The following C1orf141 variants were observed in gnomAD, a reference collection of about 807,000 sequenced individuals.
C1orf141 encodes the protein chromosome 1 open reading frame 141, also known as uncharacterized protein C1orf141.
In C1orf141, 19 loss-of-function variants were observed where a neutral mutation model predicts 23.2. The ratio of observed to expected loss-of-function variants is 0.82; its 90% CI spans 0.57 to 1.20. The LOEUF (loss-of-function observed/expected upper bound fraction) is 1.20. C1orf141 is among the 50% of genes most tolerant of loss of function. The pLI is 0.00. For missense variants in C1orf141, 469 were observed against 455.1 expected, an observed-to-expected ratio of 1.03 and a Z score of -0.28; for synonymous variants, 153 against 154.6, an observed-to-expected ratio of 0.99 and a Z score of 0.08.
At chr1:67,109,257 G>A (rs562811882) in intron 5 of C1orf141, among the ~76,000 whole-genome samples, 173 of 144,450 alleles carry the variant, frequency 1.2e-3, no homozygotes, top group African/African-American at 4.3e-3. Context: ...AACGCAGGAG[G>A]CAGAGCTTGC....
intron 5 of C1orf141, chr1:67,103,384 T>C (rs1173433257): frequency 1.5e-6 from 2 of 1,362,956 alleles, no homozygotes; most frequent in Non-Finnish European, 1.9e-6. Context: ...ATTTTCCATC[T>C]AAACATCAGG....
intron 4 of C1orf141, chr1:67,122,459 T>A (rs1482405334): frequency 6.6e-6 from 1 of 152,234 alleles, no homozygotes; most frequent in East Asian, 1.9e-4. Flanking sequence ...GACTTAAGGA[T>A]CAAATCTACC....
At chr1:67,118,461 A>G (rs1015849850) in intron 4 of C1orf141, among the ~76,000 whole-genome samples, 1 of 152,198 alleles carries the variant, frequency 6.6e-6, no homozygotes, top group African/African-American at 2.4e-5. Flanking sequence ...CCTCAGTTGC[A>G]CATCTGTTAG....
Position 67,111,793 on chromosome 1 carries a change from C to T in C1orf141, c.346+3559G>A, listed in dbSNP as rs1056723291. 4.4e-5 allele frequency: 18 copies of T among 412,600 alleles called. 1 individual carries two copies. Among genetic ancestry groups the T allele is most frequent in the Middle Eastern group, 4.4e-4 (1 of 2,278 alleles). 25.6% of individuals were successfully genotyped at this position (412,600 alleles called of 1,614,324 possible). On this transcript the variant is annotated intron_variant, in intron 5 of 7. Coordinates refer to ENST00000684719, the MANE Select transcript of C1orf141 (RefSeq NM_001276351.2). ...ATGCATTGCTTGTACATGGTTAGAG[C>T]TAAATCTATTTTAGAATAATTTGCC...
chr1:67,138,434 A>C (rs138525429), upstream of C1orf141, among the ~76,000 whole-genome samples: 514 of 152,272 alleles, frequency 3.4e-3, 5 homozygotes, highest in African/African-American at 0.012. Flanking sequence ...TCTTTGAAAC[A>C]TTCCCTTCCC....
At chr1:67,137,492 G>A (rs978032481), upstream of C1orf141, among the ~76,000 whole-genome samples, 3 of 152,230 alleles carry the variant, frequency 2.0e-5, no homozygotes, top group Non-Finnish European at 2.9e-5. Context: ...AGGCATAATC[G>A]GTTGATTAAC....
At chr1:67,125,974 T>C (rs1441167528) in intron 3 of C1orf141, 65 bp from the exon 4 acceptor site, 1 of 1,411,874 alleles carries the variant, frequency 7.1e-7, no homozygotes, top group African/African-American at 1.5e-5. Flanking sequence ...GGGAAAATCT[T>C]AGGTGGAAAG....
At chr1:67,110,775 A>G (rs1432930611) in intron 5 of C1orf141, among the ~76,000 whole-genome samples, 1 of 151,530 alleles carries the variant, frequency 6.6e-6, no homozygotes, top group African/African-American at 2.4e-5. Context: ...CCTAAATAAA[A>G]CATGAAATTA....
intron 5 of C1orf141, among the ~76,000 whole-genome samples, chr1:67,099,947 A>G (rs1645761587): frequency 1.3e-5 from 2 of 152,136 alleles, no homozygotes; most frequent in African/African-American, 4.8e-5. Flanking sequence ...AGCTTTTTGC[A>G]GTTATTTTAA....
chr1:67,098,776 T>C (rs995131239), intron 5 of C1orf141, among the ~76,000 whole-genome samples: 2 of 152,050 alleles, frequency 1.3e-5, no homozygotes, highest in African/African-American at 4.8e-5. Flanking sequence ...TAAAAAATAC[T>C]CACATTAGAG....
chr1:67,134,831 G>A (rs1245746093), intron 1 of C1orf141, 99 bp downstream of exon 1: 2 of 152,410 alleles, frequency 1.3e-5, no homozygotes, highest in Non-Finnish European at 2.9e-5. Context: ...GGGACAGAAA[G>A]GCCGTTTATG....
Position 67,096,311 on chromosome 1 carries a change from T to G in C1orf141, c.357A>C (p.Glu119Asp), listed in dbSNP as rs1442518391. The change falls in exon 6 of 8, where the codon GAA becomes GAC. Residue 119 changes from glutamate (E) to aspartate (D), a missense_variant. This residue lies in a region of C1orf141 where 370 missense variants were observed against 348.1 expected (regional missense o/e 1.06). Coordinates refer to ENST00000684719, the MANE Select transcript of C1orf141 (RefSeq NM_001276351.2). ...NKESESTAQI[E>D]KKPRKPLDSV... ...AATCCAATGGTTTCCTAGGTTTTTT[T>G]TCAATTTGAGCTGAAATTTTAAAAG... The G allele has an allele frequency of 6.6e-7, 1 of 1,525,842 alleles. No homozygotes were observed. Among genetic ancestry groups the G allele is most frequent in the Non-Finnish European group, 8.9e-7 (1 of 1,120,708 alleles). The allele number at this position is 1,525,842 out of a possible 1,614,324, so 94.5% of individuals were successfully genotyped here.
chr1:67,130,532 C>A (rs577840625), intron 2 of C1orf141, among the ~76,000 whole-genome samples: 1 of 152,300 alleles, frequency 6.6e-6, no homozygotes, highest in African/African-American at 2.4e-5. Context: ...TATACACACA[C>A]ACATACGCAC....
At chr1:67,120,692 A>T (rs1423477441) in intron 4 of C1orf141, among the ~76,000 whole-genome samples, 1 of 152,192 alleles carries the variant, frequency 6.6e-6, no homozygotes, top group Non-Finnish European at 1.5e-5. Context: ...CAAAGCAGGA[A>T]GAGTGTCCTC....
At chr1:67,139,323 A>C (rs937071040), upstream of C1orf141, among the ~76,000 whole-genome samples, 2 of 152,218 alleles carry the variant, frequency 1.3e-5, no homozygotes, top group Non-Finnish European at 2.9e-5. Context: ...ATGATTTACC[A>C]GTCATTTACT....
intron 1 of C1orf141, among the ~76,000 whole-genome samples, chr1:67,132,781 G>A (rs964065540): frequency 1.3e-5 from 2 of 152,190 alleles, no homozygotes; most frequent in Non-Finnish European, 2.9e-5. Flanking sequence ...AAAGTTGAGT[G>A]TATTATTATA....
chr1:67,106,476 G>A (rs1645929924), intron 5 of C1orf141, among the ~76,000 whole-genome samples: 1 of 151,928 alleles, frequency 6.6e-6, no homozygotes, highest in African/African-American at 2.4e-5. Context: ...GTGAAACCCT[G>A]TCTCTACTAA....
chr1:67,112,358 C>T (rs549709576), intron 5 of C1orf141, among the ~76,000 whole-genome samples: 1 of 152,022 alleles, frequency 6.6e-6, no homozygotes, highest in Admixed American at 6.6e-5. Context: ...TGACTCCTGC[C>T]CAATGATGCA....
At chr1:67,132,521 CAA>C (rs986825394) in intron 1 of C1orf141, among the ~76,000 whole-genome samples, 1 of 139,692 alleles carries the variant, frequency 7.2e-6, no homozygotes, top group East Asian at 2.1e-4. Flanking sequence ...GTCTCCATTT[CAA>C]AAAAAAAAAA....
Sources: gnomAD v4.1 joint callset for allele counts (sites outside exome capture counted in the v4.1 genomes callset) on GRCh38, gnomAD v4.1.1 for gene constraint, gnomAD v4.1.1 regional missense constraint, MANE v1.5 for transcripts, NCBI Gene and HGNC (gene_info 2026-07-23, HGNC 2026-07-21) for gene names.